Variants in SYN3 observed in about 807,000 individuals in gnomAD.
SYN3 encodes the protein synapsin-3.
In SYN3, 35 loss-of-function variants were observed where a neutral mutation model predicts 65.8. The observed-to-expected ratio is 0.53, with a 90% CI of 0.41 to 0.70. SYN3 has a LOEUF of 0.70. Among genes scored for constraint, SYN3 ranks in the 30% least tolerant of loss-of-function variants. The probability of loss-of-function intolerance (pLI) is 0.00; values close to 1 mark genes in which losing one functional copy is unlikely to be tolerated. For missense variants in SYN3, 680 were observed against 749.0 expected (o/e 0.91, Z 1.08); for synonymous variants, 270 against 292.9 (o/e 0.92, Z 0.80).
chr22:32,812,383 T>C (rs2046938511), intron 6 of SYN3, among the ~76,000 whole-genome samples: 1 of 152,178 alleles, frequency 6.6e-6, no homozygotes, highest in African/African-American at 2.4e-5. Flanking sequence ...AGATGACATA[T>C]TTGACCACCA....
intron 1 of SYN3, among the ~76,000 whole-genome samples, chr22:33,049,286 T>C (rs952164859): frequency 1.3e-5 from 2 of 152,164 alleles, no homozygotes; most frequent in African/African-American, 2.4e-5. Flanking sequence ...AGGGCTTCAA[T>C]GATGACAGGG....
rs1453556031 is a variant in SYN3, at chr22:32,784,145, G to A, written c.711+80770C>T. Among the ~76,000 whole-genome samples the A allele has an allele frequency of 2.0e-5, 3 of 152,190 alleles. No individual in the cohort carries two copies. In the East Asian group the frequency reaches 5.8e-4, roughly 29 times the overall value. On this transcript the variant is annotated intron_variant, in intron 6 of 13. Coordinates refer to ENST00000358763, the MANE Select transcript of SYN3 (RefSeq NM_003490.4). ...TGTCATTCTCTCTACTCTGTTTGGA[G>A]GGTGAGCCAACGTGGCTCCCTTGAT...
chr22:32,921,048 G>A (rs905793493), intron 4 of SYN3, among the ~76,000 whole-genome samples: 3 of 151,960 alleles, frequency 2.0e-5, no homozygotes, highest in African/African-American at 7.3e-5. Context: ...GTTTCCTTCT[G>A]TTGTCAGATT....
At chr22:32,853,373 A>G (rs1472645332) in intron 6 of SYN3, among the ~76,000 whole-genome samples, 1 of 152,262 alleles carries the variant, frequency 6.6e-6, no homozygotes, top group African/African-American at 2.4e-5. Context: ...GTACACCAGC[A>G]TCCAGAACAG....
chr22:32,773,989 C>T (rs5994627), intron 6 of SYN3, among the ~76,000 whole-genome samples: 68,536 of 151,708 alleles, frequency 0.45, 16,222 homozygotes, highest in East Asian at 0.55. Context: ...AAGGGAGATC[C>T]GGGGAAGCAG....
intron 6 of SYN3, among the ~76,000 whole-genome samples, chr22:32,720,892 C>T (rs554530734): frequency 6.6e-6 from 1 of 152,300 alleles, no homozygotes; most frequent in East Asian, 1.9e-4. Context: ...ATTGCTCTTG[C>T]CTCTACCCCC....
intron 3 of SYN3, among the ~76,000 whole-genome samples, chr22:32,964,155 A>G (rs2051747942): frequency 2.6e-5 from 4 of 152,032 alleles, no homozygotes. Context: ...GGTTCCAGCA[A>G]CATGGCTTAA....
At chr22:33,045,606 C>T (rs938298626) in intron 1 of SYN3, among the ~76,000 whole-genome samples, 22 of 150,934 alleles carry the variant, frequency 1.5e-4, no homozygotes, top group Non-Finnish European at 1.0e-4. Flanking sequence ...GGACTACAGG[C>T]GCCCGCCACT....
chr22:32,833,136 A>C (rs1003045853), intron 6 of SYN3, among the ~76,000 whole-genome samples: 5 of 152,192 alleles, frequency 3.3e-5, no homozygotes, highest in African/African-American at 1.2e-4. Context: ...CAAGTGGGGA[A>C]GGTGAACTCT....
chr22:33,019,594 A>G (rs1055664213), intron 1 of SYN3, among the ~76,000 whole-genome samples: 1 of 152,230 alleles, frequency 6.6e-6, no homozygotes. Flanking sequence ...GTCAGGCACT[A>G]CATGTACTAG....
intron 6 of SYN3, among the ~76,000 whole-genome samples, chr22:32,827,864 C>T (rs1312699694): frequency 6.6e-6 from 1 of 152,176 alleles, no homozygotes; most frequent in Admixed American, 6.5e-5. Flanking sequence ...CTTCCAGGAA[C>T]ACCTCATCCC....
chr22:32,785,200 G>A (rs888984061), intron 6 of SYN3, among the ~76,000 whole-genome samples: 2 of 152,106 alleles, frequency 1.3e-5, no homozygotes, highest in Admixed American at 1.3e-4. Flanking sequence ...AGCTCTTGTT[G>A]TGGAGGGTTA....
Position 32,618,283 on chromosome 22 carries a change from G to A in SYN3, c.712-21547C>T, listed in dbSNP as rs573220674. 1.2e-4 allele frequency among the ~76,000 whole-genome samples: 19 copies of A among 152,282 alleles called. 1 individual carries two copies. The highest frequency in any genetic ancestry group is 3.6e-4 in the African/African-American group (15 of 41,560). On this transcript the variant is annotated intron_variant, in intron 6 of 13. Transcript: ENST00000358763. ...TAGGAAACTGATGCCTGAGTGGGGCGAGGAGGGTTCAGGTCTCCCCTTAGG... is the reference window on the plus strand; with the variant it reads ...TAGGAAACTGATGCCTGAGTGGGGCAAGGAGGGTTCAGGTCTCCCCTTAGG...
chr22:33,050,581 G>A (rs1291747414), intron 1 of SYN3, among the ~76,000 whole-genome samples: 2 of 151,856 alleles, frequency 1.3e-5, no homozygotes, highest in Non-Finnish European at 1.5e-5. Flanking sequence ...CCAATCTTCT[G>A]TGGTCCCAGA....
intron 1 of SYN3, among the ~76,000 whole-genome samples, chr22:33,011,828 T>A (rs2053358525): frequency 6.6e-6 from 1 of 152,224 alleles, no homozygotes; most frequent in African/African-American, 2.4e-5. Context: ...CCATTTCATC[T>A]TGGTTGTGAA....
chr22:32,604,983 G>C (rs971907000), intron 6 of SYN3, among the ~76,000 whole-genome samples: 1 of 146,680 alleles, frequency 6.8e-6, no homozygotes. Flanking sequence ...ACCAGCCTGG[G>C]CGATAGAGCG....
At chr22:32,644,512 C>T (rs1397241319) in intron 6 of SYN3, among the ~76,000 whole-genome samples, 30 of 152,142 alleles carry the variant, frequency 2.0e-4, no homozygotes, top group Admixed American at 2.0e-3. Flanking sequence ...CTCCACGCAA[C>T]CCTCCCAAAT....
chr22:32,544,071 C>G (rs1308137615), intron 7 of SYN3, among the ~76,000 whole-genome samples: 1 of 152,238 alleles, frequency 6.6e-6, no homozygotes, highest in African/African-American at 2.4e-5. Flanking sequence ...GCCGAGTAGC[C>G]GGGACTACAG....
intron 7 of SYN3, among the ~76,000 whole-genome samples, chr22:32,588,343 G>C (rs1215811835): frequency 6.6e-6 from 1 of 152,176 alleles, no homozygotes; most frequent in Non-Finnish European, 1.5e-5. Flanking sequence ...ATGAAATAAG[G>C]ATAAGATGAC....
Sources: allele counts gnomAD v4.1 joint callset (sites outside exome capture counted in the v4.1 genomes callset), GRCh38; gene constraint gnomAD v4.1.1; transcripts MANE v1.5; gene names NCBI Gene and HGNC (gene_info 2026-07-23, HGNC 2026-07-21).